The following SRPK2 variants were observed in gnomAD, a reference collection of about 807,000 sequenced individuals.
SRPK2 encodes the protein SFRS protein kinase 2.
A neutral mutation model predicts 90.8 loss-of-function variants in SRPK2; 21 were observed. The observed-to-expected ratio is 0.23, with a 90% confidence interval of 0.16 to 0.33. The LOEUF (loss-of-function observed/expected upper bound fraction) is 0.33. Ranked by LOEUF, SRPK2 falls within the 10% of genes least tolerant of loss-of-function variation. The pLI is 1.00. For missense variants in SRPK2, 620 were observed against 869.0 expected (o/e 0.71, Z 3.60); for synonymous variants, 288 against 311.1 (o/e 0.93, Z 0.78).
chr7:105,357,744 CAAAAAACAA>C (rs1168278407), intron 2 of SRPK2, among the ~76,000 whole-genome samples: 2 of 147,832 alleles, frequency 1.4e-5, no homozygotes, highest in Non-Finnish European at 3.0e-5. Flanking sequence ...GACTCCGTCT[CAAAAAACAA>C]AAAAAACAAT....
chr7:105,248,598 C>T lies in SRPK2; in HGVS notation c.72-44813G>A, dbSNP rs370909677. On this transcript the variant is annotated intron_variant, in intron 2 of 15. Coordinates refer to ENST00000393651, the MANE Select transcript of SRPK2 (RefSeq NM_182692.3). ...AGCCTGGTAACAGAGCAAGACCCTA[C>T]CTCTTAACAAAAAACAAATAAACAA... 1.8e-4 allele frequency among the ~76,000 whole-genome samples: 27 copies of T among 151,438 alleles called. 1 individual carries two copies. In the South Asian group the frequency reaches 5.5e-3, roughly 31 times the overall value.
At chr7:105,353,574 C>T (rs1488213665) in intron 2 of SRPK2, among the ~76,000 whole-genome samples, 2 of 151,956 alleles carry the variant, frequency 1.3e-5, no homozygotes, top group African/African-American at 2.4e-5. Flanking sequence ...TCACGTTGCT[C>T]AGGCTGGTCT....
At chr7:105,238,931 C>T (rs952840077) in intron 2 of SRPK2, among the ~76,000 whole-genome samples, 2 of 152,114 alleles carry the variant, frequency 1.3e-5, no homozygotes, top group Admixed American at 6.5e-5. Flanking sequence ...GAACAAAGCA[C>T]GAAGGCAGTA....
chr7:105,143,056 T>G (rs777386376), intron 10 of SRPK2, 28 bp downstream of exon 10: 1 of 1,606,212 alleles, frequency 6.2e-7, no homozygotes, highest in Non-Finnish European at 8.5e-7. Flanking sequence ...GAGAACCCCA[T>G]GCAGCCCAGG....
chr7:105,331,327 A>AAAACAAAC (rs1342547133), intron 2 of SRPK2, among the ~76,000 whole-genome samples: 1 of 149,108 alleles, frequency 6.7e-6, no homozygotes, highest in African/African-American at 2.5e-5. Flanking sequence ...AAAAAAAAAA[A>AAAACAAAC]AAAAAAAAAA....
intron 3 of SRPK2, among the ~76,000 whole-genome samples, chr7:105,181,095 C>T (rs1257378364): frequency 6.6e-6 from 1 of 152,020 alleles, no homozygotes; most frequent in Admixed American, 6.6e-5. Flanking sequence ...GACGTACATG[C>T]GGCCAATAAG....
chr7:105,384,625 T>A (rs1386534930), intron 2 of SRPK2, among the ~76,000 whole-genome samples: 1 of 152,128 alleles, frequency 6.6e-6, no homozygotes, highest in Admixed American at 6.6e-5. Flanking sequence ...CTCTGGAAAA[T>A]TAATCAAAAA....
intron 2 of SRPK2, among the ~76,000 whole-genome samples, chr7:105,222,542 A>G (rs1798225872): frequency 6.6e-6 from 1 of 152,252 alleles, no homozygotes; most frequent in Non-Finnish European, 1.5e-5. Flanking sequence ...ATCATTAGTA[A>G]GTTTGAAACT....
intron 2 of SRPK2, among the ~76,000 whole-genome samples, chr7:105,329,984 G>A (rs939463712): frequency 6.6e-6 from 1 of 152,064 alleles, no homozygotes. Context: ...GCAGTGAACC[G>A]AGATCACGTC....
At chr7:105,149,334 G>C (rs946964938) in intron 7 of SRPK2, among the ~76,000 whole-genome samples, 2 of 152,118 alleles carry the variant, frequency 1.3e-5, no homozygotes, top group Non-Finnish European at 2.9e-5. Flanking sequence ...CATAAATCTG[G>C]TGTACGTGCA....
chr7:105,307,489 G>A (rs1811266969), intron 2 of SRPK2, among the ~76,000 whole-genome samples: 1 of 152,200 alleles, frequency 6.6e-6, no homozygotes, highest in South Asian at 2.1e-4. Flanking sequence ...AGCCCTTGCT[G>A]GCAGTGCCAT....
rs1043376905 is a variant in SRPK2, at chr7:105,220,627, A to C, written c.72-16842T>G. Among the ~76,000 whole-genome samples the C allele has an allele frequency of 3.4e-4, 52 of 152,376 alleles. 1 individual carries two copies. Among genetic ancestry groups the C allele is most frequent in the Admixed American group, 3.9e-4 (6 of 15,304 alleles). Reference sequence around the variant, plus strand: ...AGTCTAGCTTGTCATACTTAGCTAAAACAAAGTCTTTCAATCATTTATTAG... The same window carrying C: ...AGTCTAGCTTGTCATACTTAGCTAACACAAAGTCTTTCAATCATTTATTAG... On this transcript the variant is annotated intron_variant, in intron 2 of 15. Transcript: ENST00000393651.
intron 15 of SRPK2, among the ~76,000 whole-genome samples, chr7:105,118,236 G>C (rs1172577301): frequency 1.3e-5 from 2 of 152,212 alleles, no homozygotes; most frequent in Non-Finnish European, 2.9e-5. Context: ...GATCTAAATA[G>C]AGGTTAATTA....
intron 2 of SRPK2, among the ~76,000 whole-genome samples, chr7:105,245,559 G>A (rs1801534329): frequency 6.6e-6 from 1 of 152,164 alleles, no homozygotes; most frequent in Non-Finnish European, 1.5e-5. Flanking sequence ...GGCAAATGAG[G>A]AATGACAGAT....
At chr7:105,355,233 C>A (rs1005614791) in intron 2 of SRPK2, among the ~76,000 whole-genome samples, 1 of 152,130 alleles carries the variant, frequency 6.6e-6, no homozygotes. Flanking sequence ...CAGTGGCTAA[C>A]GCCTATAATC....
intron 2 of SRPK2, among the ~76,000 whole-genome samples, chr7:105,288,796 T>C (rs1022964799): frequency 5.9e-5 from 9 of 152,082 alleles, no homozygotes; most frequent in African/African-American, 1.7e-4. Flanking sequence ...GCTCTTCTCC[T>C]GGACCATGCA....
rs1264058621 is a variant in SRPK2, at chr7:105,294,740, GGT to G, written c.72-90957_72-90956del. Among the ~76,000 whole-genome samples the G allele has an allele frequency of 2.8e-3, 421 of 152,092 alleles. 10 individuals are homozygous for G. The East Asian group carries it at 0.055, about 20-fold the overall frequency. On this transcript the variant is annotated intron_variant, in intron 2 of 15. Coordinates refer to ENST00000393651, the MANE Select transcript of SRPK2 (RefSeq NM_182692.3). Reference sequence around the variant, plus strand: ...AGGATTTCATCATGTTGGCCAGACTGGTAACGAACTCCTGACCTCAACTGATC... The same window carrying G: ...AGGATTTCATCATGTTGGCCAGACTGAACGAACTCCTGACCTCAACTGATC...
At chr7:105,115,947 C>T (rs369040569), downstream of SRPK2, among the ~76,000 whole-genome samples, 4 of 152,244 alleles carry the variant, frequency 2.6e-5, no homozygotes, top group Admixed American at 6.5e-5. Context: ...TGGAAACCTA[C>T]AGCCTCATTA....
intron 3 of SRPK2, among the ~76,000 whole-genome samples, chr7:105,171,069 G>C (rs1210170513): frequency 3.0e-5 from 4 of 134,286 alleles, no homozygotes; most frequent in African/African-American, 1.1e-4. Context: ...AAAAAGAAAA[G>C]AAAGAAAGGG....
Sources: gnomAD v4.1 joint callset for allele counts (sites outside exome capture counted in the v4.1 genomes callset) on GRCh38, gnomAD v4.1.1 for gene constraint, MANE v1.5 for transcripts, NCBI Gene and HGNC (gene_info 2026-07-23, HGNC 2026-07-21) for gene names.